Variants in CA10 observed in about 807,000 individuals in gnomAD.
The protein encoded by CA10 is carbonic anhydrase-related protein 10.
Under a neutral mutation model 44.2 loss-of-function variants are expected in CA10, and 14 were observed. That is an observed-to-expected ratio of 0.32 (90% CI 0.21 to 0.50). The LOEUF (loss-of-function observed/expected upper bound fraction) is 0.50, where lower values mean the gene tolerates loss of function less well. Among genes scored for constraint, CA10 ranks in the 20% least tolerant of loss-of-function variants. The pLI is 0.99. For synonymous variants in CA10, 159 were observed against 141.6 expected, an observed-to-expected ratio of 1.12 and a Z score of -0.87; for missense variants, 350 against 409.7, an observed-to-expected ratio of 0.85 and a Z score of 1.26.
At chr17:51,834,504 G>A (rs1908402766) in intron 3 of CA10, among the ~76,000 whole-genome samples, 1 of 152,102 alleles carries the variant, frequency 6.6e-6, no homozygotes, top group Non-Finnish European at 1.5e-5. Flanking sequence ...TAATAAAATC[G>A]AGCCACTAAT....
At chr17:52,007,254 C>G (rs1168177614) in intron 2 of CA10, among the ~76,000 whole-genome samples, 1 of 151,066 alleles carries the variant, frequency 6.6e-6, no homozygotes, top group African/African-American at 2.4e-5. Flanking sequence ...CTTCTCTTTT[C>G]TTTCCAGTAA....
intron 3 of CA10, among the ~76,000 whole-genome samples, chr17:51,915,935 G>C (rs1436106211): frequency 6.6e-6 from 1 of 151,292 alleles, no homozygotes; most frequent in Non-Finnish European, 1.5e-5. Context: ...TTGGCATAGG[G>C]CTATTTCCTC....
intron 1 of CA10, among the ~76,000 whole-genome samples, chr17:52,153,142 A>G (rs1463678054): frequency 2.0e-5 from 3 of 151,934 alleles, no homozygotes; most frequent in African/African-American, 7.3e-5. Flanking sequence ...ATCAACATTT[A>G]TTTTTTCCCT....
intron 2 of CA10, among the ~76,000 whole-genome samples, chr17:52,019,125 A>T (rs984311986): frequency 1.3e-5 from 2 of 152,060 alleles, no homozygotes; most frequent in Non-Finnish European, 2.9e-5. Flanking sequence ...CTATGAGACA[A>T]ATAAACCTCT....
chr17:52,069,114 T>A (rs1987612828), intron 2 of CA10, among the ~76,000 whole-genome samples: 3 of 152,162 alleles, frequency 2.0e-5, no homozygotes, highest in Admixed American at 1.3e-4. Context: ...CCACACATAT[T>A]ATACAGATAA....
chr17:52,056,890 GCT>G (rs936667456), intron 2 of CA10, among the ~76,000 whole-genome samples: 2 of 151,990 alleles, frequency 1.3e-5, no homozygotes, highest in Non-Finnish European at 2.9e-5. Context: ...TGTAATTCAA[GCT>G]CTGTTCTTTG....
At chr17:52,087,114 T>C (rs1988136174) in intron 1 of CA10, among the ~76,000 whole-genome samples, 2 of 152,210 alleles carry the variant, frequency 1.3e-5, no homozygotes, top group Admixed American at 1.3e-4. Flanking sequence ...AGAAACCTGA[T>C]GACCCAGATA....
At chr17:51,955,828 G>C (rs941205655) in intron 2 of CA10, among the ~76,000 whole-genome samples, 4 of 152,060 alleles carry the variant, frequency 2.6e-5, no homozygotes, top group Non-Finnish European at 4.4e-5. Context: ...GGCCTATCAG[G>C]GGGTAGGGGG....
chr17:52,140,951 T>C (rs1989465506), intron 1 of CA10, among the ~76,000 whole-genome samples: 1 of 152,178 alleles, frequency 6.6e-6, no homozygotes, highest in Non-Finnish European at 1.5e-5. Context: ...CCTGTCTCAA[T>C]CATCAGGGGG....
At chr17:51,908,852 A>C (rs562074165) in intron 3 of CA10, among the ~76,000 whole-genome samples, 1 of 152,298 alleles carries the variant, frequency 6.6e-6, no homozygotes, top group Admixed American at 6.5e-5. Context: ...AATCACTAGG[A>C]AAGCCATGGA....
At chr17:51,763,917 C>A (rs1905283665) in intron 3 of CA10, among the ~76,000 whole-genome samples, 1 of 152,002 alleles carries the variant, frequency 6.6e-6, no homozygotes, top group Non-Finnish European at 1.5e-5. Context: ...TCTGACCCCT[C>A]CTCTCTGTCC....
chr17:52,076,502 C>G (rs1227713511), intron 1 of CA10, among the ~76,000 whole-genome samples: 1 of 152,206 alleles, frequency 6.6e-6, no homozygotes, highest in Non-Finnish European at 1.5e-5. Flanking sequence ...GAACCAAATT[C>G]ACCCTCCAAA....
At chr17:52,114,971 A>G (rs2143296039) in intron 1 of CA10, among the ~76,000 whole-genome samples, 1 of 152,308 alleles carries the variant, frequency 6.6e-6, no homozygotes, top group East Asian at 1.9e-4. Context: ...GGAGGCAGAT[A>G]AGGAAGGGTC....
Position 51,713,788 on chromosome 17 carries a change from C to T in CA10, c.465+33845G>A, listed in dbSNP as rs530762697. Among the ~76,000 whole-genome samples, 23 of 152,178 alleles carry T rather than the reference C, an allele frequency of 1.5e-4. 1 individual carries two copies. The highest frequency in any genetic ancestry group is 1.5e-4 in the Non-Finnish European group (10 of 68,052). On this transcript the variant is annotated intron_variant, in intron 4 of 8. Coordinates refer to ENST00000451037, the MANE Select transcript of CA10 (RefSeq NM_020178.5). ...TTCATGACCTTACAGGTTGGCCAGA[C>T]TCAGTCTCCCAGGAATCTGAATTAT...
At chr17:51,842,115 A>G (rs1978325822) in intron 3 of CA10, among the ~76,000 whole-genome samples, 1 of 152,194 alleles carries the variant, frequency 6.6e-6, no homozygotes, top group Non-Finnish European at 1.5e-5. Context: ...CCCAAGAGGG[A>G]TAGGGTCATG....
intron 2 of CA10, among the ~76,000 whole-genome samples, chr17:51,997,868 C>T (rs1261255188): frequency 2.6e-5 from 4 of 152,014 alleles, no homozygotes; most frequent in African/African-American, 4.8e-5. Context: ...GAGTAAACAT[C>T]GCACCAGAGT....
At chr17:51,691,619 T>TAC (rs1476605609) in intron 4 of CA10, among the ~76,000 whole-genome samples, 1 of 146,994 alleles carries the variant, frequency 6.8e-6, no homozygotes, top group African/African-American at 2.7e-5. Context: ...TGTGTTCATA[T>TAC]ATAAAAAAAA....
chr17:51,670,947 A>G (rs1209118411), intron 4 of CA10, among the ~76,000 whole-genome samples: 1 of 152,156 alleles, frequency 6.6e-6, no homozygotes, highest in African/African-American at 2.4e-5. Context: ...GGCCTCTAAT[A>G]GACGGAAGTG....
At chr17:51,981,104 A>C (rs1306445899) in intron 2 of CA10, among the ~76,000 whole-genome samples, 2 of 152,120 alleles carry the variant, frequency 1.3e-5, no homozygotes, top group Non-Finnish European at 2.9e-5. Context: ...CCATTTTGGA[A>C]GTTCTGATAG....
Sources: gnomAD v4.1 joint callset for allele counts (sites outside exome capture counted in the v4.1 genomes callset) on GRCh38, gnomAD v4.1.1 for gene constraint, MANE v1.5 for transcripts, NCBI Gene and HGNC (gene_info 2026-07-23, HGNC 2026-07-21) for gene names.